Variants in TRAK2 observed in about 807,000 individuals in gnomAD.
The protein encoded by TRAK2 is trafficking kinesin-binding protein 2.
Under a neutral mutation model 104.6 loss-of-function variants are expected in TRAK2, and 81 were observed. The ratio of observed to expected loss-of-function variants is 0.77; its 90% CI spans 0.65 to 0.93. The LOEUF (loss-of-function observed/expected upper bound fraction) is 0.93, where lower values mean the gene tolerates loss of function less well. Among genes scored for constraint, TRAK2 ranks in the 40% least tolerant of loss-of-function variants. The pLI is 0.00. For missense variants in TRAK2, 1,002 were observed against 1,089.0 expected (o/e 0.92, Z 1.12); for synonymous variants, 406 against 394.4 (o/e 1.03, Z -0.35).
chr2:201,399,834 G>A (rs955628450), intron 4 of TRAK2, among the ~76,000 whole-genome samples: 8 of 152,042 alleles, frequency 5.3e-5, no homozygotes, highest in African/African-American at 1.9e-4. Flanking sequence ...CTTTAAAAAT[G>A]AGGATAGGGT....
chr2:201,411,746 A>G (rs1023646034), intron 2 of TRAK2: 9 of 782,336 alleles, frequency 1.2e-5, no homozygotes, highest in Non-Finnish European at 1.9e-5. Flanking sequence ...GTAGGATACC[A>G]TCAAGTACCA....
In TRAK2 at chr2:201,421,573, G is replaced by C. The variant is rs181566355; in HGVS notation, c.-199-867C>G. On this transcript the variant is annotated intron_variant, in intron 1 of 15. Coordinates refer to ENST00000332624, the MANE Select transcript of TRAK2 (RefSeq NM_015049.3). Reference sequence around the variant, plus strand: ...TTGTCAGATGTCCCCTGGGGTGGGGGGGGCAAAATTCATCCCTGGTTGAGA... The same window carrying C: ...TTGTCAGATGTCCCCTGGGGTGGGGCGGGCAAAATTCATCCCTGGTTGAGA... Among the ~76,000 whole-genome samples, 142 of 152,002 alleles carry C rather than the reference G, an allele frequency of 9.3e-4. 2 individuals are homozygous for C. The highest frequency in any genetic ancestry group is 3.2e-3 in the African/African-American group (134 of 41,494).
At chr2:201,410,007 C>G (rs1397693710) in intron 2 of TRAK2, among the ~76,000 whole-genome samples, 2 of 152,172 alleles carry the variant, frequency 1.3e-5, no homozygotes, top group Admixed American at 1.3e-4. Flanking sequence ...CTTTAAAAAC[C>G]TGAAGAGGGG....
chr2:201,380,245 T>C lies in TRAK2; in HGVS notation c.*298A>G, dbSNP rs1951326291. The C allele has an allele frequency of 2.5e-6, 1 of 397,436 alleles. No individual in the cohort carries two copies. The highest frequency in any genetic ancestry group is 3.4e-5 in the South Asian group (1 of 29,532). 24.6% of individuals were successfully genotyped at this position (397,436 alleles called of 1,614,324 possible). ...GTATCTCTGTATGTTTTAGTATTAC[T>C]GAATTTATTTGTATTCACTTTTTAT... is the stretch of plus-strand genomic sequence containing the variant. On this transcript the variant is annotated 3_prime_UTR_variant, in exon 16 of 16. Coordinates refer to ENST00000332624, the MANE Select transcript of TRAK2 (RefSeq NM_015049.3).
chr2:201,405,990 A>C (rs1472586148), intron 3 of TRAK2, among the ~76,000 whole-genome samples: 2 of 152,244 alleles, frequency 1.3e-5, no homozygotes, highest in African/African-American at 4.8e-5. Context: ...TCTCAAAAAA[A>C]AGAAAAGAAA....
At chr2:201,393,139 A>G in intron 9 of TRAK2, 93 bp from the exon 10 acceptor site, 1 of 1,302,990 alleles carries the variant, frequency 7.7e-7, no homozygotes, top group Non-Finnish European at 1.0e-6. Context: ...TATTGATTTT[A>G]CCCAGAGGGC....
At chr2:201,389,171 T>C (rs1187312867) in intron 12 of TRAK2, 129 bp downstream of exon 12, 2 of 914,186 alleles carry the variant, frequency 2.2e-6, no homozygotes, top group Non-Finnish European at 3.4e-6. Flanking sequence ...CAAGGCATCA[T>C]AAGTGAAGGA....
rs748739266 is a variant in TRAK2, at chr2:201,397,549, T to C, written c.722A>G (p.Tyr241Cys). Residue 241 changes from tyrosine (Y) to cysteine (C), a missense_variant, in exon 7 of 16, where the codon TAT (tyrosine) becomes TGT (cysteine). Tyr to Cys is a radical substitution (Grantham distance 194, BLOSUM62 -2). Transcript: ENST00000332624. The stretch of plus-strand genomic sequence containing the variant: ...GACAAGCTGTTGTTCCTTTTCTTCA[T>C]AGGTAACAGTTTCTGTCTTTATGTG... Reference protein sequence around the residue: ...ACHIKTETVTYEEKEQQLVSD... With the variant: ...ACHIKTETVTCEEKEQQLVSD... 8 of 1,612,864 alleles carry C rather than the reference T, an allele frequency of 5.0e-6. No homozygotes were observed. Among genetic ancestry groups the C allele is most frequent in the Non-Finnish European group, 6.8e-6 (8 of 1,179,222 alleles).
chr2:201,386,841 G>T (rs1295461240), intron 13 of TRAK2, among the ~76,000 whole-genome samples: 1 of 152,138 alleles, frequency 6.6e-6, no homozygotes, highest in Non-Finnish European at 1.5e-5. Flanking sequence ...ATACTTCTCT[G>T]GCCTGGAACT....
At chr2:201,426,319 T>C (rs1951788559) in intron 1 of TRAK2, among the ~76,000 whole-genome samples, 1 of 152,210 alleles carries the variant, frequency 6.6e-6, no homozygotes, top group African/African-American at 2.4e-5. Context: ...GAATGCCTGA[T>C]GGTCTGTCAC....
chr2:201,439,671 A>G (rs1951904187), intron 1 of TRAK2, among the ~76,000 whole-genome samples: 1 of 152,078 alleles, frequency 6.6e-6, no homozygotes. Flanking sequence ...GGCAAAATAG[A>G]AAATAACCTG....
At chr2:201,403,032 T>C (rs757474939) in intron 3 of TRAK2, among the ~76,000 whole-genome samples, 2 of 151,878 alleles carry the variant, frequency 1.3e-5, no homozygotes, top group Non-Finnish European at 2.9e-5. Context: ...GAGTTAAAGA[T>C]GAAGTGGCAG....
intron 1 of TRAK2, among the ~76,000 whole-genome samples, chr2:201,444,072 G>A (rs1216300188): frequency 1.3e-5 from 2 of 151,954 alleles, no homozygotes; most frequent in East Asian, 1.9e-4. Flanking sequence ...ATGGTGGCAC[G>A]TGCCTGTAGT....
intron 1 of TRAK2, among the ~76,000 whole-genome samples, chr2:201,435,691 T>C (rs1476976420): frequency 6.6e-6 from 1 of 152,230 alleles, no homozygotes; most frequent in Non-Finnish European, 1.5e-5. Flanking sequence ...CAGTGCTTCT[T>C]TTAGGAAAGA....
rs1028703063 is a variant in TRAK2, at chr2:201,379,455, G to A, written c.*1088C>T. 5.2e-5 allele frequency: 8 copies of A among 152,472 alleles called. No individual in the cohort carries two copies. Among genetic ancestry groups the A allele is most frequent in the African/African-American group, 9.7e-5 (4 of 41,390 alleles). The allele number at this position is 152,472 out of a possible 1,614,324, so 9.4% of individuals were successfully genotyped here. A position where few individuals can be genotyped will look rare whatever the true frequency, so the allele number is the denominator to read the frequency against. On this transcript the variant is annotated 3_prime_UTR_variant, in exon 16 of 16. Transcript: ENST00000332624. Reference sequence around the variant, plus strand: ...AACCACAATCTCAAAGCAAGCACCCGGGTTTTACTTCAGTTTACAATAATT... The same window carrying A: ...AACCACAATCTCAAAGCAAGCACCCAGGTTTTACTTCAGTTTACAATAATT...
At chr2:201,393,268 G>A (rs1431532195) in intron 9 of TRAK2, among the ~76,000 whole-genome samples, 1 of 151,994 alleles carries the variant, frequency 6.6e-6, no homozygotes, top group African/African-American at 2.4e-5. Flanking sequence ...AATTATACAC[G>A]GATGTGACTT....
At chr2:201,408,297 C>G (rs945182320) in intron 2 of TRAK2, among the ~76,000 whole-genome samples, 2 of 151,958 alleles carry the variant, frequency 1.3e-5, no homozygotes. Flanking sequence ...TATAACTATG[C>G]TTTTTTTAAT....
intron 1 of TRAK2, among the ~76,000 whole-genome samples, chr2:201,436,474 T>G (rs1951880463): frequency 6.6e-6 from 1 of 152,240 alleles, no homozygotes; most frequent in Non-Finnish European, 1.5e-5. Flanking sequence ...ATGACAATTG[T>G]GCTAACAGAT....
rs1175270004 is a variant in TRAK2 at position 201,447,101 on chromosome 2, T to C, written c.-200+4249A>G. 6.6e-6 allele frequency among the ~76,000 whole-genome samples: 1 copy of C among 152,232 alleles called. No individual in the cohort carries two copies. Among genetic ancestry groups the C allele is most frequent in the African/African-American group, 2.4e-5 (1 of 41,472 alleles). On this transcript the variant is annotated intron_variant, in intron 1 of 15. Coordinates refer to ENST00000332624, the MANE Select transcript of TRAK2 (RefSeq NM_015049.3). This position sits in a 1 kb window ranked among gnomAD's most constrained non-coding sequence, Gnocchi z 4.1. ...TTACCTTGTCTCCGGTCTTATTACCTTTCATTTATCCTTTACAAGTCTTAG... is the reference window on the plus strand; with the variant it reads ...TTACCTTGTCTCCGGTCTTATTACCCTTCATTTATCCTTTACAAGTCTTAG...
Sources: gnomAD v4.1 joint callset for allele counts (sites outside exome capture counted in the v4.1 genomes callset) on GRCh38, gnomAD v4.1.1 for gene constraint, Gnocchi (gnomAD v3.1) non-coding constraint, MANE v1.5 for transcripts, NCBI Gene and HGNC (gene_info 2026-07-23, HGNC 2026-07-21) for gene names.